Variants in FERMT2 observed in about 807,000 individuals in gnomAD.
The protein encoded by FERMT2 is fermitin family homolog 2.
A neutral mutation model predicts 82.7 loss-of-function variants in FERMT2; 15 were observed. The observed-to-expected ratio is 0.18, with a 90% CI of 0.12 to 0.28. FERMT2 has a LOEUF of 0.28. Ranked by LOEUF, FERMT2 falls within the 10% of genes least tolerant of loss-of-function variation. The probability of loss-of-function intolerance (pLI) is 1.00; values close to 1 mark genes in which losing one functional copy is unlikely to be tolerated. For missense variants in FERMT2, 645 were observed against 809.4 expected (o/e 0.80, Z 2.46); for synonymous variants, 274 against 271.5 (o/e 1.01, Z -0.09).
intron 10 of FERMT2, among the ~76,000 whole-genome samples, chr14:52,865,574 G>A (rs1308332010): frequency 6.6e-6 from 1 of 152,060 alleles, no homozygotes. Context: ...GATGATTTAA[G>A]GATAAATAAG....
chr14:52,931,881 T>C (rs1018378068), intron 2 of FERMT2, among the ~76,000 whole-genome samples: 1 of 152,052 alleles, frequency 6.6e-6, no homozygotes, highest in South Asian at 2.1e-4. Flanking sequence ...TACAAAAAAT[T>C]AGCTGGGTGT....
chr14:52,947,217 C>A (rs1289850511), intron 2 of FERMT2, among the ~76,000 whole-genome samples: 1 of 152,148 alleles, frequency 6.6e-6, no homozygotes, highest in Non-Finnish European at 1.5e-5. Context: ...TGGTGGCTCA[C>A]GTCTGCAATC....
intron 2 of FERMT2, chr14:52,927,951 T>C (rs958750747): frequency 6.1e-6 from 2 of 327,980 alleles, no homozygotes; most frequent in African/African-American, 4.3e-5. Context: ...AATGCCATAA[T>C]GTTGTCAGAC....
At chr14:52,860,103 CACCGT>C (rs1371923824) in intron 13 of FERMT2, 4 of 409,072 alleles carry the variant, frequency 9.8e-6, no homozygotes, top group African/African-American at 6.2e-5. Flanking sequence ...AGGCGTGAGC[CACCGT>C]GCCTGGCCAA....
chr14:52,866,263 C>T (rs536482814), intron 10 of FERMT2, among the ~76,000 whole-genome samples: 33 of 152,312 alleles, frequency 2.2e-4, no homozygotes, highest in Middle Eastern at 3.4e-3. Flanking sequence ...ACGGCAACCA[C>T]TGGACTTCCT....
At chr14:52,942,448 G>GCCC (rs1222110341) in intron 2 of FERMT2, among the ~76,000 whole-genome samples, 1 of 151,486 alleles carries the variant, frequency 6.6e-6, no homozygotes, top group Non-Finnish European at 1.5e-5. Flanking sequence ...AACTACAGGC[G>GCCC]CCCACCACCA....
At chr14:52,862,255 G>C (rs1374954194) in intron 12 of FERMT2, 6 of 152,106 alleles carry the variant, frequency 3.9e-5, no homozygotes, top group Admixed American at 1.3e-4. Context: ...AGTAGAGATG[G>C]GGTTTCACCA....
chr14:52,889,866 T>C (rs1886831102), intron 4 of FERMT2, among the ~76,000 whole-genome samples: 1 of 152,184 alleles, frequency 6.6e-6, no homozygotes, highest in Admixed American at 6.5e-5. Context: ...TGTTGGCTCA[T>C]GCTTGTAATC....
chr14:52,924,831 A>T (rs1055330458), intron 2 of FERMT2, among the ~76,000 whole-genome samples: 1 of 152,192 alleles, frequency 6.6e-6, no homozygotes, highest in Non-Finnish European at 1.5e-5. Context: ...CTTCATTTTT[A>T]AAAAGGGAAA....
In FERMT2 at chr14:52,892,249, C is replaced by G. The variant is rs1886984746; in HGVS notation, c.526+1044G>C. Reference sequence around the variant, plus strand: ...CTCCGCCTCCTGGGTTCAAGCAATTCTCCTGCCTCAGCCTCCCAAGTAGCT... The same window carrying G: ...CTCCGCCTCCTGGGTTCAAGCAATTGTCCTGCCTCAGCCTCCCAAGTAGCT... On this transcript the variant is annotated intron_variant, in intron 4 of 14. Transcript: ENST00000341590. Among the ~76,000 whole-genome samples the G allele has an allele frequency of 2.7e-5, 4 of 145,962 alleles. No individual in the cohort carries two copies. The South Asian group carries it at 8.7e-4, about 32-fold the overall frequency.
chr14:52,918,099 C>A (rs1415813877), intron 3 of FERMT2, among the ~76,000 whole-genome samples: 2 of 152,210 alleles, frequency 1.3e-5, no homozygotes, highest in African/African-American at 4.8e-5. Context: ...CCTAACTGAT[C>A]ATTAACAGGG....
At chr14:52,950,334 TC>T in intron 2 of FERMT2, 77 bp downstream of exon 2, 2 of 1,431,202 alleles carry the variant, frequency 1.4e-6, no homozygotes, top group Middle Eastern at 3.6e-4. Flanking sequence ...AATGGGCCCC[TC>T]CCCCGTCGTG....
chr14:52,920,469 AT>A (rs919225975), intron 2 of FERMT2, among the ~76,000 whole-genome samples: 108 of 146,606 alleles, frequency 7.4e-4, no homozygotes, highest in African/African-American at 8.7e-4. Context: ...CATCTCTATA[AT>A]TTTTTTTTTT....
chr14:52,919,691 G>C (rs141957946), intron 2 of FERMT2, among the ~76,000 whole-genome samples: 73 of 152,294 alleles, frequency 4.8e-4, no homozygotes, highest in African/African-American at 1.7e-3. Context: ...TAAAGACAAG[G>C]AGTTGGTGGG....
intron 3 of FERMT2, among the ~76,000 whole-genome samples, chr14:52,899,166 CAAT>C (rs772832345): frequency 6.6e-6 from 1 of 152,036 alleles, no homozygotes; most frequent in Non-Finnish European, 1.5e-5. Flanking sequence ...CTTGTAAAAT[CAAT>C]AATAATAATA....
intron 3 of FERMT2, among the ~76,000 whole-genome samples, chr14:52,916,622 A>T (rs1297463841): frequency 3.3e-5 from 5 of 152,218 alleles, no homozygotes; most frequent in Non-Finnish European, 7.3e-5. Flanking sequence ...ACACGAGTAT[A>T]TATTTTTCCA....
chr14:52,909,123 G>C (rs1303518663), intron 3 of FERMT2, among the ~76,000 whole-genome samples: 1 of 152,148 alleles, frequency 6.6e-6, no homozygotes, highest in Admixed American at 6.5e-5. Context: ...CACAGGTGTG[G>C]AAGAGAGAGA....
At chr14:52,907,006 G>A (rs1192192474) in intron 3 of FERMT2, among the ~76,000 whole-genome samples, 2 of 97,416 alleles carry the variant, frequency 2.1e-5, no homozygotes, top group Non-Finnish European at 4.7e-5. Flanking sequence ...AAAAATGAAG[G>A]CAAAATTAAA....
At chr14:52,860,303 A>C in intron 13 of FERMT2, 38 bp downstream of exon 13, 1 of 1,601,202 alleles carries the variant, frequency 6.2e-7, no homozygotes, top group South Asian at 1.1e-5. Flanking sequence ...GCAAAAATGC[A>C]GATTAAGGTT....
Sources: gnomAD v4.1 joint callset for allele counts (sites outside exome capture counted in the v4.1 genomes callset) on GRCh38, gnomAD v4.1.1 for gene constraint, MANE v1.5 for transcripts, NCBI Gene and HGNC (gene_info 2026-07-23, HGNC 2026-07-21) for gene names.